SNTB2: variants seen among roughly 807,000 people sequenced by gnomAD.
SNTB2 encodes the protein beta-2-syntrophin.
Under a neutral mutation model 46.2 loss-of-function variants are expected in SNTB2, and 34 were observed. The ratio of observed to expected loss-of-function variants is 0.74; its 90% CI spans 0.56 to 0.98. The LOEUF (loss-of-function observed/expected upper bound fraction) is 0.98, where lower values mean the gene tolerates loss of function less well. SNTB2 is among the 50% of genes least tolerant of loss of function. SNTB2 has a pLI of 0.00. For missense variants in SNTB2, 603 were observed against 731.4 expected (o/e 0.82, Z 2.02); for synonymous variants, 290 against 312.6 (o/e 0.93, Z 0.76).
At chr16:69,263,294 G>A (rs930203706) in intron 3 of SNTB2, among the ~76,000 whole-genome samples, 2 of 151,890 alleles carry the variant, frequency 1.3e-5, no homozygotes, top group South Asian at 2.1e-4. Context: ...ATTTTTTGTA[G>A]AGATAGGATC....
At chr16:69,234,666 G>C (rs1412453802) in intron 1 of SNTB2, among the ~76,000 whole-genome samples, 2 of 151,572 alleles carry the variant, frequency 1.3e-5, no homozygotes, top group Admixed American at 1.3e-4. Context: ...CCAGAGTACG[G>C]AGATGCAGAA....
chr16:69,187,657 T>C lies in SNTB2; in HGVS notation c.491T>C (p.Leu164Pro). 6.5e-7 allele frequency: 1 copy of C among 1,546,340 alleles called. No individual in the cohort carries two copies. Among genetic ancestry groups the C allele is most frequent in the Non-Finnish European group, 8.7e-7 (1 of 1,151,892 alleles). ...GCGCTGCGGCTGGGCGACGCCATCC[T>C]GTCGGTGAACGGCACCGACCTGCGC... is the stretch of plus-strand genomic sequence containing the variant. ...SRALRLGDAI[L>P]SVNGTDLRQA... is the part of the protein sequence containing the mutation. The change falls in exon 1 of 7, where the codon CTG becomes CCG. Residue 164 changes from leucine (L) to proline (P), a missense_variant. By Grantham distance (98) the Leu-to-Pro change is moderately conservative (BLOSUM62 -3). Around this residue, in one of 2 missense-constraint regions of SNTB2, gnomAD observed 537 missense variants for 692.4 expected, o/e 0.78. Coordinates refer to ENST00000336278, the MANE Select transcript of SNTB2 (RefSeq NM_006750.4).
rs775216223 is a variant in SNTB2, at chr16:69,227,693, GACAAA to G, written c.581-17902_581-17898del. Among the ~76,000 whole-genome samples the G allele has an allele frequency of 2.6e-5, 4 of 152,198 alleles. No homozygotes were observed. The East Asian group carries it at 5.8e-4, about 22-fold the overall frequency. ...TCCCATTGGTCAAGTGGACAAGACA[GACAAA>G]ACAAAAACTGTGACATATGGCGGAT... On this transcript the variant is annotated intron_variant, in intron 1 of 6. Coordinates refer to ENST00000336278, the MANE Select transcript of SNTB2 (RefSeq NM_006750.4).
At chr16:69,235,157 G>C (rs919227394) in intron 1 of SNTB2, among the ~76,000 whole-genome samples, 1 of 151,626 alleles carries the variant, frequency 6.6e-6, no homozygotes, top group Admixed American at 6.6e-5. Context: ...GATTACAGGC[G>C]CACGCCACCA....
At chr16:69,237,767 T>A (rs1964572771) in intron 1 of SNTB2, among the ~76,000 whole-genome samples, 1 of 151,640 alleles carries the variant, frequency 6.6e-6, no homozygotes, top group Admixed American at 6.6e-5. Flanking sequence ...CATGCCTGGC[T>A]AATTTTGTAT....
chr16:69,256,285 T>C (rs1311513444), intron 2 of SNTB2, among the ~76,000 whole-genome samples: 1 of 152,150 alleles, frequency 6.6e-6, no homozygotes. Flanking sequence ...CTCCCCAAAG[T>C]GTTGGGATTA....
intron 2 of SNTB2, among the ~76,000 whole-genome samples, chr16:69,248,789 ATC>A (rs1250981249): frequency 6.6e-6 from 1 of 151,702 alleles, no homozygotes; most frequent in African/African-American, 2.4e-5. Context: ...ACAAGACCCT[ATC>A]TCTACAAAAA....
intron 1 of SNTB2, among the ~76,000 whole-genome samples, chr16:69,234,790 C>T (rs1284543853): frequency 6.6e-6 from 1 of 151,722 alleles, no homozygotes. Flanking sequence ...GCATCTTCCA[C>T]CTCCCAGGTT....
At chr16:69,269,977 G>A (rs1256983782) in intron 3 of SNTB2, among the ~76,000 whole-genome samples, 166 bp from the exon 4 acceptor site, 2 of 152,162 alleles carry the variant, frequency 1.3e-5, no homozygotes, top group Non-Finnish European at 2.9e-5. Context: ...ACCTCCCGGT[G>A]GAGAGTCCCT....
chr16:69,254,593 T>G (rs183104524), intron 2 of SNTB2, among the ~76,000 whole-genome samples: 8 of 152,278 alleles, frequency 5.3e-5, no homozygotes, highest in Admixed American at 3.9e-4. Context: ...ACTTCAGCCC[T>G]GCAAAAGACA....
In SNTB2 at chr16:69,303,320, G is replaced by A. The variant is rs1484710197; in HGVS notation, c.*2396G>A. On this transcript the variant is annotated 3_prime_UTR_variant, in exon 7 of 7. Transcript: ENST00000336278. ...TTATTAATATGAGATGTTGAATGAT[G>A]CCTTTACAGACTTCAGCAGCAAAGC... is the stretch of plus-strand genomic sequence containing the variant. 6.6e-6 allele frequency: 1 copy of A among 152,190 alleles called. No homozygotes were observed. Among genetic ancestry groups the A allele is most frequent in the East Asian group, 1.9e-4 (1 of 5,196 alleles). The allele number at this position is 152,190 out of a possible 1,614,324, so 9.4% of individuals were successfully genotyped here.
intron 2 of SNTB2, among the ~76,000 whole-genome samples, chr16:69,256,038 T>C (rs1370578218): frequency 6.6e-6 from 1 of 150,558 alleles, no homozygotes; most frequent in Admixed American, 6.6e-5. Context: ...GTACAAAAAC[T>C]AGCCATGCGT....
rs1328495488 is a variant in SNTB2, at chr16:69,302,503, A to C, written c.*1579A>C. On this transcript the variant is annotated 3_prime_UTR_variant, in exon 7 of 7. Transcript: ENST00000336278. Reference sequence around the variant, plus strand: ...AGGGTGGAGGAGGGTGTCACTTCAGATGGGGCAGGCACAGGGGGAGAAAAG... The same window carrying C: ...AGGGTGGAGGAGGGTGTCACTTCAGCTGGGGCAGGCACAGGGGGAGAAAAG... 6.6e-6 allele frequency: 1 copy of C among 152,234 alleles called. No individual in the cohort carries two copies. 9.4% of individuals were successfully genotyped at this position (152,234 alleles called of 1,614,324 possible).
intron 1 of SNTB2, among the ~76,000 whole-genome samples, chr16:69,226,073 T>C (rs909667424): frequency 6.8e-6 from 1 of 147,298 alleles, no homozygotes; most frequent in Non-Finnish European, 1.5e-5. Context: ...CTTCTGTTTT[T>C]TGTTTTTTGA....
chr16:69,212,782 GCA>G (rs1222730340), intron 1 of SNTB2, among the ~76,000 whole-genome samples: 41 of 152,232 alleles, frequency 2.7e-4, no homozygotes, highest in African/African-American at 9.4e-4. Context: ...TTACAGGCAT[GCA>G]CTACCACACC....
intron 4 of SNTB2, among the ~76,000 whole-genome samples, chr16:69,275,948 C>T (rs1482731533): frequency 4.6e-5 from 7 of 152,156 alleles, no homozygotes; most frequent in Non-Finnish European, 1.0e-4. Context: ...TTGGATTGCA[C>T]ATTTACAGAT....
chr16:69,198,241 T>TG (rs561609967), intron 1 of SNTB2, among the ~76,000 whole-genome samples: 1 of 152,074 alleles, frequency 6.6e-6, no homozygotes, highest in East Asian at 1.9e-4. Context: ...CCTGAGTAGC[T>TG]GGGACTACAG....
chr16:69,255,555 G>A (rs1415886417), intron 2 of SNTB2, among the ~76,000 whole-genome samples: 2 of 139,642 alleles, frequency 1.4e-5, no homozygotes, highest in Non-Finnish European at 3.1e-5. Context: ...GCCAGACTCC[G>A]TCTTAAAAAA....
intron 3 of SNTB2, among the ~76,000 whole-genome samples, chr16:69,268,354 G>C (rs948659856): frequency 3.3e-5 from 5 of 151,956 alleles, no homozygotes; most frequent in African/African-American, 4.8e-5. Flanking sequence ...ATCTCAGGTA[G>C]TTGGGAGGCT....
Sources: allele counts gnomAD v4.1 joint callset (sites outside exome capture counted in the v4.1 genomes callset), GRCh38; gene constraint gnomAD v4.1.1; regional missense constraint gnomAD v4.1.1; transcripts MANE v1.5; gene names NCBI Gene and HGNC (gene_info 2026-07-23, HGNC 2026-07-21).